Variants in NCKAP5 observed in about 807,000 individuals in gnomAD.
The protein encoded by NCKAP5 is NCK associated protein 5.
Under a neutral mutation model 167.0 loss-of-function variants are expected in NCKAP5, and 92 were observed. The ratio of observed to expected loss-of-function variants is 0.55; its 90% CI spans 0.47 to 0.66. The LOEUF is 0.66. NCKAP5 is among the 30% of genes least tolerant of loss of function. The pLI is 0.00. For missense variants in NCKAP5, 2,378 were observed against 2,315.0 expected (o/e 1.03, Z -0.56); for synonymous variants, 891 against 877.4 (o/e 1.02, Z -0.27).
chr2:133,554,146 T>TA (rs1687574977), intron 2 of NCKAP5, among the ~76,000 whole-genome samples: 1 of 152,212 alleles, frequency 6.6e-6, no homozygotes, highest in Non-Finnish European at 1.5e-5. Context: ...GACCTGTAGA[T>TA]AATCTTTTAA....
chr2:132,722,123 G>A (rs1044356470), intron 19 of NCKAP5, among the ~76,000 whole-genome samples: 6 of 152,140 alleles, frequency 3.9e-5, no homozygotes, highest in Non-Finnish European at 5.9e-5. Flanking sequence ...AACCTAATGC[G>A]GATTCTTGAT....
chr2:133,083,633 T>C (rs1341415451), intron 6 of NCKAP5, among the ~76,000 whole-genome samples: 1 of 152,128 alleles, frequency 6.6e-6, no homozygotes, highest in Non-Finnish European at 1.5e-5. Context: ...TGGTGGTAGG[T>C]GCTGGTGACC....
chr2:133,042,916 C>T (rs2079262977), intron 6 of NCKAP5, among the ~76,000 whole-genome samples: 1 of 152,102 alleles, frequency 6.6e-6, no homozygotes, highest in Non-Finnish European at 1.5e-5. Context: ...ATATGATTAT[C>T]AAATATGTCA....
chr2:132,704,962 A>G (rs1295362163), intron 19 of NCKAP5, among the ~76,000 whole-genome samples: 3 of 152,122 alleles, frequency 2.0e-5, no homozygotes, highest in Non-Finnish European at 2.9e-5. Flanking sequence ...ACTATTTCAC[A>G]CTTTCTCTTG....
chr2:133,116,497 A>G (rs1223990273), intron 6 of NCKAP5, among the ~76,000 whole-genome samples: 1 of 83,660 alleles, frequency 1.2e-5, no homozygotes, highest in Non-Finnish European at 2.2e-5. Context: ...CAAAAAAAAA[A>G]AAAAAAAAAA....
At chr2:133,027,609 G>A (rs1468770599) in intron 6 of NCKAP5, among the ~76,000 whole-genome samples, 1 of 152,170 alleles carries the variant, frequency 6.6e-6, no homozygotes, top group Non-Finnish European at 1.5e-5. Flanking sequence ...ATAGGGAGTT[G>A]TAAAGGGGAC....
intron 4 of NCKAP5, among the ~76,000 whole-genome samples, chr2:133,259,897 T>TA (rs1479155931): frequency 6.6e-6 from 1 of 152,164 alleles, no homozygotes; most frequent in African/African-American, 2.4e-5. Context: ...ATTAAACACT[T>TA]ACTAGGTATC....
chr2:133,215,497 T>C (rs1030754833), intron 4 of NCKAP5, among the ~76,000 whole-genome samples: 10 of 152,164 alleles, frequency 6.6e-5, no homozygotes, highest in Admixed American at 2.6e-4. Flanking sequence ...AACAGAACTA[T>C]ATGTTCACCA....
In NCKAP5 at chr2:132,782,682, C is replaced by T; in HGVS notation, c.4129G>A (p.Glu1377Lys). 1 of 1,613,750 alleles carries T rather than the reference C, an allele frequency of 6.2e-7. No homozygotes were observed. The highest frequency in any genetic ancestry group is 8.5e-7 in the Non-Finnish European group (1 of 1,179,782). Residue 1377 changes from glutamate to lysine, a missense_variant, in exon 14 of 20, where the codon GAG (glutamate) becomes AAG (lysine). Glu to Lys is a moderately conservative substitution (Grantham distance 56). Around this residue, in one of 3 missense-constraint regions of NCKAP5, gnomAD observed 1,325 missense variants for 1,274.5 expected, o/e 1.04. Transcript: ENST00000409261. Reference sequence around the variant, plus strand: ...TTTCCAGGTGGGATGAGGAGTCCCTCAGACTTTGGAGGGATCCTCAAAGGC... The same window carrying T: ...TTTCCAGGTGGGATGAGGAGTCCCTTAGACTTTGGAGGGATCCTCAAAGGC... Reference protein sequence around the residue: ...KLPLRIPPKSEGLLIPPGKED... With the variant: ...KLPLRIPPKSKGLLIPPGKED...
chr2:133,271,385 A>G (rs575991683), intron 4 of NCKAP5, among the ~76,000 whole-genome samples: 50 of 152,306 alleles, frequency 3.3e-4, no homozygotes, highest in African/African-American at 1.1e-3. Flanking sequence ...GAAAAGCTGT[A>G]TTAGACAAGG....
At chr2:133,101,264 C>G (rs2081504701) in intron 6 of NCKAP5, among the ~76,000 whole-genome samples, 1 of 141,308 alleles carries the variant, frequency 7.1e-6, no homozygotes, top group African/African-American at 2.8e-5. Flanking sequence ...TGATCTATAT[C>G]TCTGTTTTGG....
At chr2:132,756,431 A>T (rs1680558665) in intron 16 of NCKAP5, among the ~76,000 whole-genome samples, 1 of 152,126 alleles carries the variant, frequency 6.6e-6, no homozygotes, top group African/African-American at 2.4e-5. Context: ...GGTTGAGGAG[A>T]GTTAGACACG....
At chr2:133,455,390 G>C (rs565285017) in intron 3 of NCKAP5, among the ~76,000 whole-genome samples, 1 of 151,872 alleles carries the variant, frequency 6.6e-6, no homozygotes, top group South Asian at 2.1e-4. Flanking sequence ...CATTTTCATG[G>C]GACAGATTTT....
chr2:133,467,754 C>A (rs1435515228), intron 3 of NCKAP5, among the ~76,000 whole-genome samples: 52 of 145,098 alleles, frequency 3.6e-4, no homozygotes, highest in Non-Finnish European at 1.5e-5. Context: ...TGTATGTGTC[C>A]AGGAATGTAT....
the NCKAP5 span, among the ~76,000 whole-genome samples, chr2:133,628,908 T>C: frequency 3.6e-4 from 55 of 152,288 alleles, no homozygotes; most frequent in South Asian, 0.011. Flanking sequence ...AGTCAGTAAA[T>C]GGTGCTGGGA....
intron 6 of NCKAP5, among the ~76,000 whole-genome samples, chr2:133,030,228 G>A (rs557704307): frequency 1.8e-3 from 275 of 152,352 alleles, no homozygotes; most frequent in African/African-American, 6.1e-3. Context: ...GACCTTGGGG[G>A]TCACAGGGGC....
chr2:132,778,878 A>G (rs546291710), intron 15 of NCKAP5, among the ~76,000 whole-genome samples: 89 of 152,212 alleles, frequency 5.8e-4, no homozygotes, highest in Non-Finnish European at 9.3e-4. Flanking sequence ...ACCAGTCACA[A>G]AGGAGTCTAT....
At chr2:133,373,751 C>T (rs1685958377) in intron 3 of NCKAP5, among the ~76,000 whole-genome samples, 1 of 152,132 alleles carries the variant, frequency 6.6e-6, no homozygotes, top group African/African-American at 2.4e-5. Context: ...AGCACAGAAA[C>T]AGCACAGAAA....
chr2:133,221,573 TAGAC>T (rs903845511), intron 4 of NCKAP5, among the ~76,000 whole-genome samples: 6 of 152,206 alleles, frequency 3.9e-5, no homozygotes, highest in Non-Finnish European at 5.9e-5. Context: ...TCAGGATTGA[TAGAC>T]AGAGAAAGCA....
Sources: allele counts gnomAD v4.1 joint callset (sites outside exome capture counted in the v4.1 genomes callset), GRCh38; gene constraint gnomAD v4.1.1; regional missense constraint gnomAD v4.1.1; transcripts MANE v1.5; gene names NCBI Gene and HGNC (gene_info 2026-07-23, HGNC 2026-07-21).